LINGO2: variants seen among roughly 807,000 people sequenced by gnomAD.
LINGO2 encodes the protein leucine rich repeat and Ig domain containing 2.
LINGO2 carries 14 observed loss-of-function variants against 30.6 expected under a neutral mutation model. That is an observed-to-expected ratio of 0.46 (90% CI 0.30 to 0.72). The LOEUF is 0.72. LINGO2 is among the 30% of genes least tolerant of loss of function. The probability of loss-of-function intolerance (pLI) is 0.07; values close to 1 mark genes in which losing one functional copy is unlikely to be tolerated. For missense variants in LINGO2, 729 were observed against 751.7 expected (o/e 0.97, Z 0.35); for synonymous variants, 317 against 288.5 (o/e 1.10, Z -1.00).
chr9:28,183,819 G>A (rs1426829372), intron 4 of LINGO2, among the ~76,000 whole-genome samples: 2 of 152,160 alleles, frequency 1.3e-5, no homozygotes, highest in African/African-American at 2.4e-5. Flanking sequence ...CATAGCTAAG[G>A]CCCAAGAAGA....
the LINGO2 span, among the ~76,000 whole-genome samples, chr9:29,153,525 G>T: frequency 6.6e-6 from 1 of 152,120 alleles, no homozygotes; most frequent in East Asian, 1.9e-4. Context: ...TTTGTTTTTG[G>T]AAATACATGC....
the LINGO2 span, among the ~76,000 whole-genome samples, chr9:29,151,017 G>T: frequency 6.6e-6 from 1 of 151,906 alleles, no homozygotes; most frequent in Non-Finnish European, 1.5e-5. Flanking sequence ...AGAGAGATAG[G>T]TCAGGGCACT....
chr9:28,634,502 TTG>T lies in LINGO2; in HGVS notation c.-365+35696_-365+35697del, dbSNP rs1554648327. Among the ~76,000 whole-genome samples, 231 of 149,952 alleles carry T rather than the reference TTG, an allele frequency of 1.5e-3. 1 individual carries two copies. Among genetic ancestry groups the T allele is most frequent in the African/African-American group, 5.3e-3 (214 of 40,700 alleles). On this transcript the variant is annotated intron_variant, in intron 1 of 5. Transcript: ENST00000379992. ...CTTTTTTTCTTTTTTTTTTTTTTTTTTGAAATGGAGTTTCACTCTGTAACCCA... is the reference window on the plus strand; with the variant it reads ...CTTTTTTTCTTTTTTTTTTTTTTTTTAAATGGAGTTTCACTCTGTAACCCA...
At chr9:28,680,515 T>C in the LINGO2 span, among the ~76,000 whole-genome samples, 1 of 152,152 alleles carries the variant, frequency 6.6e-6, no homozygotes, top group Non-Finnish European at 1.5e-5. Flanking sequence ...ATTCTATTTT[T>C]AATTTTTTCA....
At chr9:28,629,469 G>C (rs1431067334) in intron 1 of LINGO2, among the ~76,000 whole-genome samples, 1 of 151,912 alleles carries the variant, frequency 6.6e-6, no homozygotes, top group Non-Finnish European at 1.5e-5. Flanking sequence ...CTTTCTCTTA[G>C]GAGAAAGGAA....
At chr9:28,768,613 G>GACACACAC in the LINGO2 span, among the ~76,000 whole-genome samples, 1,217 of 144,500 alleles carry the variant, frequency 8.4e-3, 8 homozygotes, top group Non-Finnish European at 0.013. Flanking sequence ...GACAGACTGG[G>GACACACAC]ACACACACAC....
At chr9:28,919,219 C>T in the LINGO2 span, among the ~76,000 whole-genome samples, 13 of 152,088 alleles carry the variant, frequency 8.5e-5, no homozygotes, top group African/African-American at 2.2e-4. Flanking sequence ...GAAGCTGACA[C>T]GTCTAATGAG....
chr9:28,371,237 C>T (rs767833214), intron 3 of LINGO2, among the ~76,000 whole-genome samples: 1 of 152,208 alleles, frequency 6.6e-6, no homozygotes, highest in Non-Finnish European at 1.5e-5. Context: ...AGCTCCATTT[C>T]AACCCATTGA....
At chr9:28,879,125 G>A in the LINGO2 span, among the ~76,000 whole-genome samples, 2 of 152,110 alleles carry the variant, frequency 1.3e-5, no homozygotes, top group African/African-American at 4.8e-5. Context: ...AAGCTGATAC[G>A]CAACTTCAGC....
chr9:28,084,571 G>A (rs1039650679), intron 4 of LINGO2, among the ~76,000 whole-genome samples: 6 of 151,984 alleles, frequency 3.9e-5, no homozygotes, highest in Non-Finnish European at 7.4e-5. Context: ...CTATGAGGTA[G>A]ACTTTCTTAT....
the LINGO2 span, among the ~76,000 whole-genome samples, chr9:29,060,734 C>G: frequency 3.3e-5 from 5 of 151,244 alleles, no homozygotes; most frequent in Admixed American, 6.6e-5. Context: ...AATTTTAGAA[C>G]TGAAAATACA....
At chr9:28,202,004 C>T (rs1264875460) in intron 4 of LINGO2, among the ~76,000 whole-genome samples, 1 of 152,100 alleles carries the variant, frequency 6.6e-6, no homozygotes. Flanking sequence ...TTCTATGCCT[C>T]CCACAGTTTG....
intron 1 of LINGO2, among the ~76,000 whole-genome samples, chr9:28,481,056 C>T (rs1424235308): frequency 1.4e-5 from 2 of 144,420 alleles, no homozygotes; most frequent in Non-Finnish European, 1.5e-5. Context: ...ATTTCTCAAG[C>T]TCCCCTGTGT....
the LINGO2 span, chr9:27,941,579 G>A: frequency 0.28 from 42,046 of 152,256 alleles, 6,367 homozygotes; most frequent in Middle Eastern, 0.44. Flanking sequence ...TACCATGACT[G>A]TCAGCTTTCT....
At chr9:28,344,118 A>G (rs1418842689) in intron 3 of LINGO2, among the ~76,000 whole-genome samples, 3 of 152,186 alleles carry the variant, frequency 2.0e-5, no homozygotes, top group Non-Finnish European at 4.4e-5. Flanking sequence ...TTAATGATTC[A>G]GTAAATAAAT....
intron 1 of LINGO2, among the ~76,000 whole-genome samples, chr9:28,652,836 T>C (rs555322146): frequency 6.6e-4 from 101 of 152,136 alleles, no homozygotes; most frequent in Non-Finnish European, 1.1e-3. Context: ...AAAATCCTTA[T>C]TAAACAACCA....
chr9:27,989,445 CTGTGTGTG>C (rs5897262), intron 5 of LINGO2, among the ~76,000 whole-genome samples: 11,269 of 150,464 alleles, frequency 0.075, 913 homozygotes, highest in African/African-American at 0.19. Context: ...TGAATGCTCT[CTGTGTGTG>C]TGTGTGTGTG....
chr9:28,399,033 A>C (rs1295683252), intron 2 of LINGO2, among the ~76,000 whole-genome samples: 1 of 152,198 alleles, frequency 6.6e-6, no homozygotes, highest in Admixed American at 6.5e-5. Flanking sequence ...GCATTTGCCC[A>C]AGCTTTGGGG....
chr9:28,067,231 C>T (rs1327189756), intron 4 of LINGO2, among the ~76,000 whole-genome samples: 2 of 151,970 alleles, frequency 1.3e-5, no homozygotes, highest in African/African-American at 4.8e-5. Flanking sequence ...TCCTGTGAAT[C>T]TTAATTAAGA....
Sources: allele counts gnomAD v4.1 joint callset (sites outside exome capture counted in the v4.1 genomes callset), GRCh38; gene constraint gnomAD v4.1.1; transcripts MANE v1.5; gene names NCBI Gene and HGNC (gene_info 2026-07-23, HGNC 2026-07-21).